KIF20A: variants seen among roughly 807,000 people sequenced by gnomAD.
KIF20A encodes the protein kinesin family member 20A.
KIF20A carries 66 observed loss-of-function variants against 113.0 expected under a neutral mutation model. That is an observed-to-expected ratio of 0.58 (90% CI 0.48 to 0.72). The LOEUF is 0.72. Ranked by LOEUF, KIF20A falls within the 30% of genes least tolerant of loss-of-function variation. The pLI, the probability that KIF20A is intolerant of heterozygous loss-of-function variation, is 0.00. For synonymous variants in KIF20A, 376 were observed against 402.3 expected (o/e 0.93, Z 0.78); for missense variants, 927 against 1,077.6 (o/e 0.86, Z 1.96).
intron 14 of KIF20A, 39 bp from the exon 15 acceptor site, chr5:138,185,056 A>ACCTT: frequency 6.3e-7 from 1 of 1,594,872 alleles, no homozygotes; most frequent in South Asian, 1.1e-5. Context: ...ACTCCTCAGA[A>ACCTT]CCTTCACTTA....
Position 138,182,722 on chromosome 5 carries a change from C to T in KIF20A, c.651C>T (p.Ile217=). 1.2e-6 allele frequency: 2 copies of T among 1,614,008 alleles called. No homozygotes were observed. Among genetic ancestry groups the T allele is most frequent in the African/African-American group, 1.3e-5 (1 of 75,032 alleles). The change falls in exon 6 of 19, where the codon ATC becomes ATT. Residue 217 remains isoleucine, a synonymous_variant. Transcript: ENST00000394894. ...NEVIWLDSKQ[I]RQEEMKKLSL... ...TAATCTGGCTAGACAGCAAGCAGATCCGACAGGAGGAAATGAAGAAGCTGT... is the reference window on the plus strand; with the variant it reads ...TAATCTGGCTAGACAGCAAGCAGATTCGACAGGAGGAAATGAAGAAGCTGT...
Position 138,187,295 on chromosome 5 carries a change from A to G in KIF20A, c.2555A>G (p.Asn852Ser). The change falls in exon 19 of 19, where the codon AAT becomes AGT. Residue 852 changes from asparagine (N) to serine (S), a missense_variant. Transcript: ENST00000394894. ...QPPGKKPFLR[N>S]LLPRTPTCQS... ...CCAGGGAAGAAACCATTCCTTCGAA[A>G]TTTACTTCCCCGAACACCAACCTGC... 1 of 1,614,166 alleles carries G rather than the reference A, an allele frequency of 6.2e-7. No homozygotes were observed. The highest frequency in any genetic ancestry group is 2.2e-5 in the East Asian group (1 of 44,882).
In KIF20A at chr5:138,183,899, A is replaced by T. The variant is rs900465589; in HGVS notation, c.1209-63A>T. The T allele has an allele frequency of 8.1e-6, 13 of 1,607,424 alleles. No individual in the cohort carries two copies. Among genetic ancestry groups the T allele is most frequent in the Non-Finnish European group, 1.1e-5 (13 of 1,175,538 alleles). On this transcript the variant is annotated intron_variant, in intron 10 of 18. Coordinates refer to ENST00000394894, the MANE Select transcript of KIF20A (RefSeq NM_005733.3). This position sits in a 1 kb window ranked among gnomAD's most constrained non-coding sequence, Gnocchi z 5.2. Reference sequence around the variant, plus strand: ...TGGGCCGTCCCCTCTCCAGAATTATACAAAGGGCCAGAAGGCTCATAACAT... The same window carrying T: ...TGGGCCGTCCCCTCTCCAGAATTATTCAAAGGGCCAGAAGGCTCATAACAT...
In KIF20A at chr5:138,185,656, G is replaced by C. The variant is rs1754732062; in HGVS notation, c.2071G>C (p.Glu691Gln). ...TTCTGCCTCCACCCAGCAGCTTCAG[G>C]AGGTTAAAGCTAAATTACAGCAGTG... ...AASASTQQLQEVKAKLQQCKA... is the reference protein window; with the variant it reads ...AASASTQQLQQVKAKLQQCKA... The change falls in exon 16 of 19, where the codon GAG (glutamate) becomes CAG (glutamine). Residue 691 changes from glutamate to glutamine, a missense_variant. Transcript: ENST00000394894. 6.2e-7 allele frequency: 1 copy of C among 1,614,174 alleles called. No individual in the cohort carries two copies. Among genetic ancestry groups the C allele is most frequent in the South Asian group, 1.1e-5 (1 of 91,076 alleles).
At chr5:138,186,197 T>A (rs911522791) in intron 17 of KIF20A, 97 bp from the exon 18 acceptor site, 1 of 1,529,094 alleles carries the variant, frequency 6.5e-7, no homozygotes, top group Non-Finnish European at 8.9e-7. Flanking sequence ...GACTAGCCTT[T>A]CTAATTTTAC....
At chr5:138,185,744 G>T in intron 16 of KIF20A, 34 bp downstream of exon 16, 1 of 1,602,902 alleles carries the variant, frequency 6.2e-7, no homozygotes, top group Non-Finnish European at 8.5e-7. Context: ...ACATAACAGT[G>T]GTTCAGGGAA....
chr5:138,179,405 T>C (rs1474067162), intron 1 of KIF20A: 2 of 426,672 alleles, frequency 4.7e-6, no homozygotes, highest in Non-Finnish European at 8.7e-6. Context: ...TGCCCTACTT[T>C]AGGCGTAGCC....
chr5:138,180,340 C>A (rs1229041024), intron 2 of KIF20A, among the ~76,000 whole-genome samples: 1 of 152,174 alleles, frequency 6.6e-6, no homozygotes, highest in Non-Finnish European at 1.5e-5. Flanking sequence ...CTGTCCTGTA[C>A]ATTTCAAGAT....
intron 1 of KIF20A, 118 bp from the exon 2 acceptor site, chr5:138,179,542 G>A: frequency 1.4e-6 from 1 of 730,114 alleles, no homozygotes; most frequent in East Asian, 2.6e-5. Context: ...AATTGGAGGG[G>A]AAAAGAAGTA....
At chr5:138,181,549 T>C in intron 3 of KIF20A, 38 bp downstream of exon 3, 1 of 1,614,034 alleles carries the variant, frequency 6.2e-7, no homozygotes, top group Non-Finnish European at 8.5e-7. Context: ...GGTGAAATGA[T>C]GCAGTACAAA....
At chr5:138,184,485 C>T in intron 12 of KIF20A, 27 bp from the exon 13 acceptor site, 1 of 1,610,712 alleles carries the variant, frequency 6.2e-7, no homozygotes, top group South Asian at 1.1e-5. Flanking sequence ...CTTATGGAGT[C>T]AAGTAAGATA....
At position 138,182,637 on chromosome 5, in the gene KIF20A, A is replaced by G. The variant is rs942270617; in HGVS notation, c.566A>G (p.Asn189Ser). The change falls in exon 6 of 19, where the codon AAT (asparagine) becomes AGT (serine). Residue 189 changes from asparagine (N) to serine (S), a missense_variant. Asn to Ser is a conservative substitution (Grantham distance 46, BLOSUM62 1). Transcript: ENST00000394894. ...ILPRSLALIF[N>S]SLQGQLHPTP... ...CCCCGGTCCCTGGCGCTGATCTTCA[A>G]TAGCCTCCAAGGCCAACTTCATCCA... is the stretch of plus-strand genomic sequence containing the variant. The G allele has an allele frequency of 6.8e-6, 11 of 1,614,190 alleles. No homozygotes were observed. The highest frequency in any genetic ancestry group is 2.2e-5 in the East Asian group (1 of 44,882).
In KIF20A at chr5:138,186,401, GACC is replaced by G. The variant is rs756673690; in HGVS notation, c.2328_2330del (p.Thr777del). The G allele has an allele frequency of 1.9e-6, 3 of 1,612,200 alleles. No homozygotes were observed. The Admixed American group carries it at 5.1e-5, about 27-fold the overall frequency. On this transcript the variant is annotated inframe_deletion, in exon 18 of 19. Transcript: ENST00000394894. ...GGGCAGGAAAACTTCGTCAAGCCTT[GACC>G]ACTTGTGATGACATCTTAATCAAAC...
At position 138,182,407 on chromosome 5, in the gene KIF20A, T is replaced by G; in HGVS notation, c.460T>G (p.Trp154Gly). The change falls in exon 5 of 19, where the codon TGG becomes GGG. Residue 154 changes from tryptophan to glycine, a missense_variant. Coordinates refer to ENST00000394894, the MANE Select transcript of KIF20A (RefSeq NM_005733.3). ...MVKDVLKGQNWLIYTYGVTNS... is the reference protein window; with the variant it reads ...MVKDVLKGQNGLIYTYGVTNS... ...AAAGGATGTACTCAAAGGGCAGAAC[T>G]GGCTCATCTATACATATGGAGTCAC... 1 of 1,614,204 alleles carries G rather than the reference T, an allele frequency of 6.2e-7. No individual in the cohort carries two copies. The highest frequency in any genetic ancestry group is 8.5e-7 in the Non-Finnish European group (1 of 1,180,016).
rs1754673617 is a variant in KIF20A, at chr5:138,182,385, G to A, written c.438G>A (p.Lys146=). The A allele has an allele frequency of 1.2e-6, 2 of 1,614,188 alleles. No individual in the cohort carries two copies. The highest frequency in any genetic ancestry group is 2.2e-5 in the South Asian group (2 of 91,078). ...ACCTAACTGTGAAGGAGATGGTAAA[G>A]GATGTACTCAAAGGGCAGAACTGGC... The part of the protein sequence containing the change: ...FFNLTVKEMV[K]DVLKGQNWLI... The change falls in exon 5 of 19, where the codon AAG becomes AAA. Residue 146 remains lysine, a synonymous_variant. Transcript: ENST00000394894.
intron 15 of KIF20A, 125 bp downstream of exon 15, chr5:138,185,322 C>A: frequency 1.2e-6 from 1 of 834,628 alleles, no homozygotes; most frequent in Non-Finnish European, 2.0e-6. Context: ...TTCTCTATTC[C>A]CCATAGTGCT....
chr5:138,187,601 ATTTAC>A lies in KIF20A; in HGVS notation c.*191_*195del. ...TAATCTCATGTTGTTGTTTTTTTTT[ATTTAC>A]TTATATGATTTCTATGCACACAAAA... On this transcript the variant is annotated 3_prime_UTR_variant, in exon 19 of 19. Coordinates refer to ENST00000394894, the MANE Select transcript of KIF20A (RefSeq NM_005733.3). 4.1e-6 allele frequency: 2 copies of A among 488,752 alleles called. No individual in the cohort carries two copies. The highest frequency in any genetic ancestry group is 3.3e-5 in the East Asian group (1 of 30,686). 30.3% of individuals were successfully genotyped at this position (488,752 alleles called of 1,614,324 possible).
chr5:138,183,577 C>T lies in KIF20A; in HGVS notation c.1135C>T (p.Arg379Cys), dbSNP rs372477891. The T allele has an allele frequency of 6.2e-6, 10 of 1,613,596 alleles. No homozygotes were observed. The highest frequency in any genetic ancestry group is 2.2e-5 in the East Asian group (1 of 44,892). Reference protein sequence around the residue: ...ASTHLNQNSSRSHSIFSIRIL... With the variant: ...ASTHLNQNSSCSHSIFSIRIL... The stretch of plus-strand genomic sequence containing the variant: ...CACCCACCTCAACCAGAACTCCAGC[C>T]GCAGGTGAGTAGATTGTAAGAATAA... Residue 379 changes from arginine to cysteine, a missense_variant, in exon 9 of 19, where the codon CGC becomes TGC. Transcript: ENST00000394894. The surrounding 1 kb of genome is among the most constrained non-coding windows in gnomAD (Gnocchi z 5.2).
Position 138,183,944 on chromosome 5 carries a change from T to C in KIF20A, c.1209-18T>C. 1 of 1,614,024 alleles carries C rather than the reference T, an allele frequency of 6.2e-7. No individual in the cohort carries two copies. Among genetic ancestry groups the C allele is most frequent in the Non-Finnish European group, 8.5e-7 (1 of 1,179,964 alleles). ...TAACATGTGAGGCCCTTATGTCAGA[T>C]CCTGTGCATCATTCTAGGCTGTCAC... is the stretch of plus-strand genomic sequence containing the variant. On this transcript the variant is annotated intron_variant, in intron 10 of 18. Coordinates refer to ENST00000394894, the MANE Select transcript of KIF20A (RefSeq NM_005733.3). The surrounding 1 kb of genome is among the most constrained non-coding windows in gnomAD (Gnocchi z 5.2).
Sources: gnomAD v4.1 joint callset for allele counts (sites outside exome capture counted in the v4.1 genomes callset) on GRCh38, gnomAD v4.1.1 for gene constraint, Gnocchi (gnomAD v3.1) non-coding constraint, MANE v1.5 for transcripts, NCBI Gene and HGNC (gene_info 2026-07-23, HGNC 2026-07-21) for gene names.